The following RSF1 variants were observed in gnomAD, a reference collection of about 807,000 sequenced individuals.
RSF1 encodes the protein remodeling and spacing factor 1, also known as HBV pX-associated protein 8.
A neutral mutation model predicts 145.2 loss-of-function variants in RSF1; 13 were observed. That is an observed-to-expected ratio of 0.09 (90% confidence interval 0.06 to 0.14). The LOEUF (loss-of-function observed/expected upper bound fraction) is 0.14. RSF1 is among the 10% of genes least tolerant of loss of function. The pLI is 1.00. For missense variants in RSF1, 1,517 were observed against 1,718.2 expected (o/e 0.88, Z 2.07); for synonymous variants, 577 against 592.6 (o/e 0.97, Z 0.38).
rs370143699 is a variant in RSF1 at position 77,727,893 on chromosome 11, G to A, written c.579-2194C>T. 4.6e-5 allele frequency among the ~76,000 whole-genome samples: 7 copies of A among 152,056 alleles called. No individual in the cohort carries two copies. In the East Asian group the frequency reaches 7.7e-4, roughly 17 times the overall value. ...GTTTAAACACAAGCCTAAGGTAGTC[G>A]TTATTATATGAAAACAAAACTACCC... On this transcript the variant is annotated intron_variant, in intron 4 of 15. Transcript: ENST00000308488.
At chr11:77,842,588 G>T in the RSF1 span, 3 of 1,613,868 alleles carry the variant, frequency 1.9e-6, no homozygotes, top group Admixed American at 1.7e-5. Context: ...GTATGGCCAG[G>T]GGGTAGTCGG....
the RSF1 span, among the ~76,000 whole-genome samples, chr11:77,839,907 A>G: frequency 2.2e-3 from 334 of 152,286 alleles, 2 homozygotes; most frequent in African/African-American, 7.8e-3. Flanking sequence ...AGGTGCAGCA[A>G]ACCACCATGG....
At chr11:77,805,433 TC>T (rs2135982113) in intron 1 of RSF1, among the ~76,000 whole-genome samples, 1 of 151,120 alleles carries the variant, frequency 6.6e-6, no homozygotes, top group African/African-American at 2.4e-5. Flanking sequence ...AAAGCGAGAC[TC>T]CATCTCAAAA....
intron 9 of RSF1, among the ~76,000 whole-genome samples, chr11:77,690,355 GT>G (rs904851613): frequency 1.3e-5 from 2 of 152,020 alleles, no homozygotes; most frequent in Non-Finnish European, 2.9e-5. Flanking sequence ...AGTTCTTATA[GT>G]TTTTTTGTAT....
the RSF1 span, among the ~76,000 whole-genome samples, chr11:77,834,167 A>G: frequency 6.6e-6 from 1 of 152,236 alleles, no homozygotes; most frequent in African/African-American, 2.4e-5. Context: ...GATTATAAAT[A>G]CTAATTCAAT....
At chr11:77,867,147 C>G in the RSF1 span, among the ~76,000 whole-genome samples, 3 of 152,144 alleles carry the variant, frequency 2.0e-5, no homozygotes, top group Non-Finnish European at 4.4e-5. Flanking sequence ...GGCCCCCATG[C>G]CTTTCATAAA....
rs1190957410 is a variant in RSF1 at position 77,661,660 on chromosome 11, T to TA, written c.*5256dup. On this transcript the variant is annotated 3_prime_UTR_variant, in exon 16 of 16. Transcript: ENST00000308488. ...AGATGATCTAGCATAAACACAATTG[T>TA]AAAAAATCTACATCCTATTTTAGGG... 6.6e-6 allele frequency: 1 copy of TA among 151,780 alleles called. No individual in the cohort carries two copies. The highest frequency in any genetic ancestry group is 2.4e-5 in the African/African-American group (1 of 41,324). The allele number at this position is 151,780 out of a possible 1,614,324, so 9.4% of individuals were successfully genotyped here.
intron 1 of RSF1, among the ~76,000 whole-genome samples, chr11:77,803,968 C>T (rs1304047438): frequency 1.3e-5 from 2 of 152,108 alleles, no homozygotes; most frequent in Non-Finnish European, 2.9e-5. Flanking sequence ...GTAGTCCCCC[C>T]TACTTGGCAG....
intron 4 of RSF1, among the ~76,000 whole-genome samples, chr11:77,731,392 T>A (rs772788875): frequency 2.6e-5 from 4 of 152,196 alleles, no homozygotes; most frequent in African/African-American, 7.2e-5. Context: ...AAGCAGAGTA[T>A]AAAAGTTTAG....
chr11:77,731,936 CAG>C (rs1270253617), intron 4 of RSF1, among the ~76,000 whole-genome samples: 1 of 152,242 alleles, frequency 6.6e-6, no homozygotes, highest in African/African-American at 2.4e-5. Flanking sequence ...CAGAGCCACA[CAG>C]AGTCCCTACT....
At chr11:77,689,108 T>C (rs1319373268) in intron 9 of RSF1, among the ~76,000 whole-genome samples, 3 of 152,182 alleles carry the variant, frequency 2.0e-5, no homozygotes. Context: ...ATCATACTAG[T>C]GTATAAACGG....
chr11:77,869,638 TTGAA>T, the RSF1 span: 4 of 1,336,718 alleles, frequency 3.0e-6, no homozygotes, highest in South Asian at 1.2e-5. Context: ...TAGACATTTC[TTGAA>T]TGAATGAATC....
At chr11:77,858,299 A>ATTTTT in the RSF1 span, among the ~76,000 whole-genome samples, 3 of 91,532 alleles carry the variant, frequency 3.3e-5, no homozygotes, top group East Asian at 3.2e-4. Flanking sequence ...CGTTTAAGCA[A>ATTTTT]TTCTTTTTTT....
the RSF1 span, among the ~76,000 whole-genome samples, chr11:77,852,241 A>AAAAAAAAAAAAAAT: frequency 8.1e-6 from 1 of 123,934 alleles, no homozygotes; most frequent in Non-Finnish European, 1.7e-5. Context: ...AAAAAAAAAA[A>AAAAAAAAAAAAAAT]GAAGAAGAAG....
chr11:77,787,812 G>A (rs917618256), intron 1 of RSF1, among the ~76,000 whole-genome samples: 1 of 144,128 alleles, frequency 6.9e-6, no homozygotes, highest in African/African-American at 2.6e-5. Context: ...ACCAGGCATT[G>A]CTAATGTACC....
chr11:77,740,438 A>C (rs1281355219), intron 4 of RSF1, among the ~76,000 whole-genome samples: 4 of 152,232 alleles, frequency 2.6e-5, no homozygotes, highest in African/African-American at 4.8e-5. Context: ...GCTTTTGTCT[A>C]ACAATGTATT....
In RSF1 at chr11:77,661,770, T is replaced by A. The variant is rs1451381389; in HGVS notation, c.*5147A>T. ...CTCTCAAGCAAAATAAACTTTTTTT[T>A]TTTTTTTGCAACATACAAAATAAGT... On this transcript the variant is annotated 3_prime_UTR_variant, in exon 16 of 16. Transcript: ENST00000308488. 2 of 151,974 alleles carry A rather than the reference T, an allele frequency of 1.3e-5. No individual in the cohort carries two copies. Among genetic ancestry groups the A allele is most frequent in the African/African-American group, 4.8e-5 (2 of 41,398 alleles). The allele number at this position is 151,974 out of a possible 1,614,324, so 9.4% of individuals were successfully genotyped here. A position where few individuals can be genotyped will look rare whatever the true frequency, so the allele number is the denominator to read the frequency against.
At chr11:77,818,629 A>G (rs536929462) in intron 1 of RSF1, among the ~76,000 whole-genome samples, 2 of 152,214 alleles carry the variant, frequency 1.3e-5, no homozygotes, top group South Asian at 4.1e-4. Flanking sequence ...AAATACAAAA[A>G]TTAGCCGGGC....
At chr11:77,798,404 G>A (rs1294562052) in intron 1 of RSF1, among the ~76,000 whole-genome samples, 1 of 151,338 alleles carries the variant, frequency 6.6e-6, no homozygotes, top group Admixed American at 6.6e-5. Flanking sequence ...GGCCAACTTG[G>A]TGAAACCCCG....
Sources: allele counts gnomAD v4.1 joint callset (sites outside exome capture counted in the v4.1 genomes callset), GRCh38; gene constraint gnomAD v4.1.1; transcripts MANE v1.5; gene names NCBI Gene and HGNC (gene_info 2026-07-23, HGNC 2026-07-21).